The following PPP1R21 variants were observed in gnomAD, a reference collection of about 807,000 sequenced individuals.
PPP1R21 encodes the protein protein phosphatase 1 regulatory subunit 21, also known as KLRAQ motif containing 1.
Under a neutral mutation model 112.8 loss-of-function variants are expected in PPP1R21, and 85 were observed. That is an observed-to-expected ratio of 0.75 (90% CI 0.63 to 0.90). PPP1R21 has a LOEUF of 0.90. PPP1R21 is among the 40% of genes least tolerant of loss of function. PPP1R21 has a pLI of 0.00. For synonymous variants in PPP1R21, 381 were observed against 322.3 expected, an observed-to-expected ratio of 1.18 and a Z score of -1.95; for missense variants, 1,199 against 901.5, an observed-to-expected ratio of 1.33 and a Z score of -4.23.
At chr2:48,472,669 C>T (rs1668572501) in intron 11 of PPP1R21, among the ~76,000 whole-genome samples, 1 of 151,558 alleles carries the variant, frequency 6.6e-6, no homozygotes, top group Non-Finnish European at 1.5e-5. Flanking sequence ...TGAAAATAGG[C>T]CAGGCATGGT....
chr2:48,500,571 C>A (rs572120360), intron 17 of PPP1R21, among the ~76,000 whole-genome samples: 3 of 151,902 alleles, frequency 2.0e-5, no homozygotes, highest in Admixed American at 6.6e-5. Context: ...AACCTAAAAA[C>A]AACAACAACA....
At chr2:48,507,695 C>CAACTAA (rs1447475154) in intron 19 of PPP1R21, among the ~76,000 whole-genome samples, 1 of 142,440 alleles carries the variant, frequency 7.0e-6, no homozygotes, top group Non-Finnish European at 1.5e-5. Context: ...GTCTGTATAC[C>CAACTAA]AACTAAAAAT....
At chr2:48,460,067 C>T (rs767237922) in intron 5 of PPP1R21, 28 bp from the exon 6 acceptor site, 14 of 1,613,580 alleles carry the variant, frequency 8.7e-6, no homozygotes, top group Non-Finnish European at 1.2e-5. Context: ...CCTGAGCCAT[C>T]TGTGTTTCTT....
chr2:48,511,295 A>G, intron 20 of PPP1R21, 45 bp from the exon 21 acceptor site: 3 of 1,578,396 alleles, frequency 1.9e-6, no homozygotes, highest in Non-Finnish European at 8.6e-7. Flanking sequence ...TCAGAGTGGT[A>G]CGACTCGTGG....
chr2:48,441,174 G>C, intron 1 of PPP1R21, 164 bp downstream of exon 1: 2 of 633,310 alleles, frequency 3.2e-6, no homozygotes, highest in Non-Finnish European at 5.7e-6. Flanking sequence ...TCCACCTGCA[G>C]CTCCCAGGAG....
In PPP1R21 at chr2:48,507,335, AC is replaced by A. The variant is rs1204620427; in HGVS notation, c.2036del (p.Thr679SerfsTer35). 6.3e-7 allele frequency: 1 copy of A among 1,595,664 alleles called. No individual in the cohort carries two copies. On this transcript the variant is annotated frameshift_variant, in exon 19 of 22. Coordinates refer to ENST00000294952, the MANE Select transcript of PPP1R21 (RefSeq NM_001135629.3). LOFTEE classifies it high-confidence loss of function. ...CTACATGGCAAGGATAGTGGAACTT[AC>A]GTCTCAGTTGCAGCTGGCTGACAGT... ...NHYMARIVEL[T>X]SQLQLADSKS... is the part of the protein sequence containing the mutation.
intron 20 of PPP1R21, 36 bp from the exon 21 acceptor site, chr2:48,511,304 G>A: frequency 1.3e-6 from 2 of 1,596,574 alleles, no homozygotes; most frequent in Non-Finnish European, 1.7e-6. Context: ...TACGACTCGT[G>A]GGATGTTGAT....
intron 9 of PPP1R21, among the ~76,000 whole-genome samples, chr2:48,469,030 A>G (rs74594871): frequency 1.6e-4 from 24 of 152,032 alleles, no homozygotes; most frequent in Non-Finnish European, 3.1e-4. Context: ...CACTTTTTAC[A>G]TGGCAGCGGC....
At chr2:48,468,209 C>T (rs2103832244) in intron 9 of PPP1R21, among the ~76,000 whole-genome samples, 1 of 152,256 alleles carries the variant, frequency 6.6e-6, no homozygotes, top group Non-Finnish European at 1.5e-5. Context: ...TTTGAGGATT[C>T]AATAAGATAA....
chr2:48,472,909 G>A (rs1668586126), intron 11 of PPP1R21, among the ~76,000 whole-genome samples: 1 of 148,088 alleles, frequency 6.8e-6, no homozygotes, highest in Non-Finnish European at 1.5e-5. Context: ...TGTTACTGCA[G>A]CCTGGGTGAT....
chr2:48,444,956 T>C (rs1667184248), intron 1 of PPP1R21, among the ~76,000 whole-genome samples: 1 of 151,946 alleles, frequency 6.6e-6, no homozygotes, highest in Non-Finnish European at 1.5e-5. Flanking sequence ...TTCCTTTGCA[T>C]ATAAAGGGAG....
At chr2:48,460,544 A>T (rs1347555253) in intron 6 of PPP1R21, among the ~76,000 whole-genome samples, 2 of 152,210 alleles carry the variant, frequency 1.3e-5, no homozygotes, top group Non-Finnish European at 2.9e-5. Flanking sequence ...TAATTTGGAG[A>T]TACATAAATT....
At chr2:48,472,250 A>G (rs1184928293) in intron 11 of PPP1R21, among the ~76,000 whole-genome samples, 1 of 149,402 alleles carries the variant, frequency 6.7e-6, no homozygotes, top group Non-Finnish European at 1.5e-5. Context: ...AAAAAAAAAA[A>G]AAAAAAAAAA....
At chr2:48,506,837 G>A (rs1469414590) in intron 18 of PPP1R21, among the ~76,000 whole-genome samples, 2 of 151,596 alleles carry the variant, frequency 1.3e-5, no homozygotes, top group African/African-American at 2.4e-5. Flanking sequence ...TCCCAGCTAC[G>A]CAGGAGGCTG....
At chr2:48,449,778 A>G (rs1667397642) in intron 1 of PPP1R21, among the ~76,000 whole-genome samples, 1 of 150,880 alleles carries the variant, frequency 6.6e-6, no homozygotes, top group African/African-American at 2.4e-5. Flanking sequence ...TTTTTTTTTA[A>G]AGCTCACATA....
At chr2:48,456,506 ATCTTAGTT>A (rs1435623071) in intron 3 of PPP1R21, among the ~76,000 whole-genome samples, 4 of 152,100 alleles carry the variant, frequency 2.6e-5, no homozygotes, top group Non-Finnish European at 5.9e-5. Flanking sequence ...TAACCTTGTA[ATCTTAGTT>A]TCTCCATCAG....
chr2:48,489,412 G>A (rs2103932715), intron 14 of PPP1R21, among the ~76,000 whole-genome samples: 1 of 150,504 alleles, frequency 6.6e-6, no homozygotes, highest in East Asian at 2.1e-4. Flanking sequence ...CAGGTAAGAG[G>A]ATTACTTGAG....
At chr2:48,504,546 C>T (rs984679401) in intron 17 of PPP1R21, among the ~76,000 whole-genome samples, 10 of 152,168 alleles carry the variant, frequency 6.6e-5, no homozygotes, top group South Asian at 4.1e-4. Flanking sequence ...GAGGCTGAGG[C>T]GGGAGAATTG....
chr2:48,493,976 CTT>C (rs1175830277), intron 15 of PPP1R21, among the ~76,000 whole-genome samples: 1 of 144,012 alleles, frequency 6.9e-6, no homozygotes, highest in Non-Finnish European at 1.5e-5. Context: ...AATCCCGACA[CTT>C]TGGGATGCCA....
Sources: allele counts gnomAD v4.1 joint callset (sites outside exome capture counted in the v4.1 genomes callset), GRCh38; gene constraint gnomAD v4.1.1; transcripts MANE v1.5; gene names NCBI Gene and HGNC (gene_info 2026-07-23, HGNC 2026-07-21).